ZNF892: variants seen among roughly 807,000 people sequenced by gnomAD.
ZNF892 encodes the protein zinc finger protein 570-like.
chr2:95,232,415 C>T, the ZNF892 span, among the ~76,000 whole-genome samples: 1 of 152,222 alleles, frequency 6.6e-6, no homozygotes. Flanking sequence ...GGCAGCTGGC[C>T]TGACCAGACA....
chr2:95,259,664 G>A, the ZNF892 span: 2 of 152,386 alleles, frequency 1.3e-5, no homozygotes, highest in South Asian at 4.1e-4. Context: ...GACAGAACTT[G>A]ATTGTAGGGG....
At chr2:95,255,210 G>T in the ZNF892 span, among the ~76,000 whole-genome samples, 1 of 151,874 alleles carries the variant, frequency 6.6e-6, no homozygotes, top group Non-Finnish European at 1.5e-5. Flanking sequence ...TCTCTTGTGG[G>T]CATTTAGTGC....
the ZNF892 span, among the ~76,000 whole-genome samples, chr2:95,261,570 C>T: frequency 6.6e-6 from 1 of 152,216 alleles, no homozygotes; most frequent in African/African-American, 2.4e-5. Context: ...GCTGGGATTA[C>T]AGGCGTGAGC....
chr2:95,235,986 T>C, the ZNF892 span, among the ~76,000 whole-genome samples: 5 of 152,102 alleles, frequency 3.3e-5, no homozygotes, highest in Non-Finnish European at 7.4e-5. Flanking sequence ...TCATCAGAGA[T>C]CTCCTGAACT....
the ZNF892 span, among the ~76,000 whole-genome samples, chr2:95,250,927 A>G: frequency 6.8e-6 from 1 of 148,128 alleles, no homozygotes; most frequent in Non-Finnish European, 1.5e-5. Flanking sequence ...ACTTATTTAT[A>G]TAAGCATTTA....
the ZNF892 span, among the ~76,000 whole-genome samples, chr2:95,217,711 G>A: frequency 6.6e-6 from 1 of 152,190 alleles, no homozygotes; most frequent in Admixed American, 6.5e-5. Context: ...CGTTTCGTCA[G>A]ATCTTGTGAG....
At chr2:95,249,459 G>T in the ZNF892 span, among the ~76,000 whole-genome samples, 1 of 149,616 alleles carries the variant, frequency 6.7e-6, no homozygotes, top group Non-Finnish European at 1.5e-5. Context: ...ATGTTGGTCA[G>T]GCTGGTCTTG....
the ZNF892 span, among the ~76,000 whole-genome samples, chr2:95,262,999 C>T: frequency 2.6e-4 from 40 of 152,308 alleles, no homozygotes; most frequent in Non-Finnish European, 4.3e-4. Context: ...GGCTGTGACA[C>T]GACTTTGCAG....
the ZNF892 span, among the ~76,000 whole-genome samples, chr2:95,213,975 C>T: frequency 6.6e-6 from 1 of 152,138 alleles, no homozygotes; most frequent in Admixed American, 6.5e-5. Flanking sequence ...GATCCTATCT[C>T]CTCTAAAGGA....
At chr2:95,206,472 G>A in the ZNF892 span, among the ~76,000 whole-genome samples, 3 of 152,114 alleles carry the variant, frequency 2.0e-5, no homozygotes, top group East Asian at 5.8e-4. Flanking sequence ...GAAGGGGAGG[G>A]GAACTCAAAT....
chr2:95,239,762 G>A, the ZNF892 span, among the ~76,000 whole-genome samples: 320 of 152,144 alleles, frequency 2.1e-3, 1 homozygote, highest in Non-Finnish European at 3.5e-3. Context: ...CTAGTAGCTG[G>A]GATTACAGGC....
chr2:95,249,071 A>G, the ZNF892 span, among the ~76,000 whole-genome samples: 2 of 150,428 alleles, frequency 1.3e-5, no homozygotes. Context: ...GACCTGTCAC[A>G]GCATCCGACT....
chr2:95,260,630 C>T, the ZNF892 span, among the ~76,000 whole-genome samples: 3 of 152,186 alleles, frequency 2.0e-5, no homozygotes, highest in African/African-American at 7.2e-5. Flanking sequence ...ACAACAAAGC[C>T]AGTCTCCTGG....
At chr2:95,215,276 G>A in the ZNF892 span, 1 of 479,670 alleles carries the variant, frequency 2.1e-6, no homozygotes, top group South Asian at 5.5e-5. Context: ...ACACTGGGGA[G>A]AAACCCTATA....
At chr2:95,259,731 T>C in the ZNF892 span, 1 of 152,260 alleles carries the variant, frequency 6.6e-6, no homozygotes, top group African/African-American at 2.4e-5. Context: ...CTATTCTTCA[T>C]GATAATATAG....
At chr2:95,210,185 GTA>G in the ZNF892 span, among the ~76,000 whole-genome samples, 1 of 147,630 alleles carries the variant, frequency 6.8e-6, no homozygotes, top group South Asian at 2.1e-4. Context: ...GTGTATATAT[GTA>G]TATGTGTATA....
chr2:95,215,031 T>G, the ZNF892 span: 3 of 517,338 alleles, frequency 5.8e-6, no homozygotes, highest in Non-Finnish European at 1.1e-5. Flanking sequence ...AGAGAAACCT[T>G]ATGAGTGTAA....
the ZNF892 span, among the ~76,000 whole-genome samples, chr2:95,209,346 T>C: frequency 6.6e-6 from 1 of 152,118 alleles, no homozygotes; most frequent in South Asian, 2.1e-4. Context: ...ACCTAGACTG[T>C]GGTGAGGGAA....
the ZNF892 span, among the ~76,000 whole-genome samples, chr2:95,262,363 C>T: frequency 1.3e-5 from 2 of 152,198 alleles, no homozygotes; most frequent in African/African-American, 4.8e-5. Context: ...CTCCCTGAGC[C>T]ACAGAGCTGT....
Sources: gnomAD v4.1 joint callset for allele counts (sites outside exome capture counted in the v4.1 genomes callset) on GRCh38, gnomAD v4.1.1 for gene constraint, MANE v1.5 for transcripts, NCBI Gene and HGNC (gene_info 2026-07-23, HGNC 2026-07-21) for gene names.